The following FRRS1 variants were observed in gnomAD, a reference collection of about 807,000 sequenced individuals.
The protein encoded by FRRS1 is ferric reductase 1.
In FRRS1, 51 loss-of-function variants were observed where a neutral mutation model predicts 70.7. The observed-to-expected ratio is 0.72, with a 90% CI of 0.58 to 0.91. The LOEUF (loss-of-function observed/expected upper bound fraction) is 0.91, where lower values mean the gene tolerates loss of function less well. FRRS1 is among the 40% of genes least tolerant of loss of function. The probability of loss-of-function intolerance (pLI) is 0.00; values close to 1 mark genes in which losing one functional copy is unlikely to be tolerated. For missense variants in FRRS1, 672 were observed against 726.0 expected (o/e 0.93, Z 0.86); for synonymous variants, 225 against 238.7 (o/e 0.94, Z 0.53).
At chr1:99,732,000 A>C (rs1170630114) in intron 7 of FRRS1, among the ~76,000 whole-genome samples, 1 of 152,184 alleles carries the variant, frequency 6.6e-6, no homozygotes, top group African/African-American at 2.4e-5. Flanking sequence ...GTTTTCTATA[A>C]TATCCATCAT....
intron 1 of FRRS1, among the ~76,000 whole-genome samples, chr1:99,761,291 T>G (rs909898175): frequency 1.3e-5 from 2 of 152,050 alleles, no homozygotes; most frequent in Non-Finnish European, 2.9e-5. Flanking sequence ...CATGCCCAGC[T>G]AATTTTTTAA....
intron 8 of FRRS1, among the ~76,000 whole-genome samples, chr1:99,729,051 C>T (rs997454384): frequency 1.3e-5 from 2 of 152,192 alleles, no homozygotes; most frequent in African/African-American, 2.4e-5. Flanking sequence ...GGAGTCAATC[C>T]CATGGGAAGG....
chr1:99,730,003 A>C (rs182972910), intron 7 of FRRS1, among the ~76,000 whole-genome samples: 1 of 152,210 alleles, frequency 6.6e-6, no homozygotes, highest in Non-Finnish European at 1.5e-5. Flanking sequence ...TAACATGTTT[A>C]TATGTTCATA....
chr1:99,763,765 G>A (rs1326666120), intron 1 of FRRS1, among the ~76,000 whole-genome samples: 2 of 151,772 alleles, frequency 1.3e-5, no homozygotes, highest in African/African-American at 2.4e-5. Context: ...CTACTCGGGA[G>A]GCTGAGGCAG....
In FRRS1 at chr1:99,728,614, C is replaced by A. The variant is rs1374170063; in HGVS notation, c.885G>T (p.Arg295Ser). 5 of 1,613,932 alleles carry A rather than the reference C, an allele frequency of 3.1e-6. No homozygotes were observed. The Admixed American group carries it at 6.7e-5, about 22-fold the overall frequency. ...AACACTGCATAACACCGTCCGCCAA[C>A]CTCCAAGCCATATCCTCAAGGGTAT... The part of the protein sequence containing the change: ...SRDTLEDMAW[R>S]LADGVMQCSF... Residue 295 changes from arginine to serine, a missense_variant, in exon 9 of 17, where the codon AGG becomes AGT. Arg to Ser is a moderately radical substitution (Grantham distance 110, BLOSUM62 -1). Transcript: ENST00000646001.
chr1:99,747,358 G>C lies in FRRS1; in HGVS notation c.269C>G (p.Pro90Arg). The change falls in exon 4 of 17, where the codon CCT becomes CGT. Residue 90 changes from proline (P) to arginine (R), a missense_variant. Pro to Arg is a moderately radical substitution (Grantham distance 103). Coordinates refer to ENST00000646001, the MANE Select transcript of FRRS1 (RefSeq NM_001361041.2). ...ARNAEDLNGPPIGSFTLIDSE... is the reference protein window; with the variant it reads ...ARNAEDLNGPRIGSFTLIDSE... ...GTCAATCAATGTGAAGGAGCCAATA[G>C]GAGGGCCATTCAGATCCTCAGCATT... is the stretch of plus-strand genomic sequence containing the variant. 6.2e-7 allele frequency: 1 copy of C among 1,613,820 alleles called. No individual in the cohort carries two copies.
rs183062744 is a variant in FRRS1 at position 99,728,635 on chromosome 1, G to C, written c.864C>G (p.Thr288=). ...CCAACCTCCAAGCCATATCCTCAAG[G>C]GTATCCTACAAACACACACAATGGG... ...RSHPVMDSRD[T]LEDMAWRLAD... The change falls in exon 9 of 17, where the codon ACC becomes ACG. Residue 288 remains threonine, a synonymous_variant. Transcript: ENST00000646001. 21 of 1,612,806 alleles carry C rather than the reference G, an allele frequency of 1.3e-5. No homozygotes were observed. The highest frequency in any genetic ancestry group is 1.8e-5 in the Non-Finnish European group (21 of 1,179,372).
In FRRS1 at chr1:99,709,296, G is replaced by A. The variant is rs201793569; in HGVS notation, c.1625-37C>T. 8.1e-4 allele frequency: 1,129 copies of A among 1,399,154 alleles called. 7 individuals are homozygous for A. The highest frequency in any genetic ancestry group is 8.1e-3 in the Middle Eastern group (35 of 4,342). 86.7% of individuals were successfully genotyped at this position (1,399,154 alleles called of 1,614,324 possible). On this transcript the variant is annotated intron_variant, in intron 15 of 16. Coordinates refer to ENST00000646001, the MANE Select transcript of FRRS1 (RefSeq NM_001361041.2). Reference sequence around the variant, plus strand: ...AATAACATAAGTTTTTAAGGGCAGCGTTATGCAGGTAAATTAAATTTTTTA... The same window carrying A: ...AATAACATAAGTTTTTAAGGGCAGCATTATGCAGGTAAATTAAATTTTTTA...
At chr1:99,765,013 T>C (rs1391524493) in intron 1 of FRRS1, among the ~76,000 whole-genome samples, 1 of 152,234 alleles carries the variant, frequency 6.6e-6, no homozygotes, top group African/African-American at 2.4e-5. Flanking sequence ...TACACATTGA[T>C]CTCCATTCAT....
chr1:99,723,877 A>G (rs1654953636), intron 9 of FRRS1, among the ~76,000 whole-genome samples: 1 of 152,182 alleles, frequency 6.6e-6, no homozygotes, highest in African/African-American at 2.4e-5. Context: ...AATGAGAAAG[A>G]AGAGTTTTAT....
At chr1:99,715,043 G>A (rs1225439079) in intron 12 of FRRS1, among the ~76,000 whole-genome samples, 2 of 152,124 alleles carry the variant, frequency 1.3e-5, no homozygotes, top group East Asian at 1.9e-4. Flanking sequence ...AATATATAGA[G>A]ATGAGGCCTC....
intron 8 of FRRS1, among the ~76,000 whole-genome samples, 191 bp from the exon 9 acceptor site, chr1:99,728,831 T>C (rs916110741): frequency 1.3e-5 from 2 of 152,250 alleles, no homozygotes; most frequent in Non-Finnish European, 2.9e-5. Flanking sequence ...TTATTTGTCT[T>C]TATCCCACTT....
intron 9 of FRRS1, among the ~76,000 whole-genome samples, chr1:99,723,246 C>T (rs1280516202): frequency 2.0e-5 from 3 of 152,174 alleles, no homozygotes; most frequent in Non-Finnish European, 1.5e-5. Flanking sequence ...AATTGCATTA[C>T]AATTTCAATC....
intron 7 of FRRS1, among the ~76,000 whole-genome samples, chr1:99,732,337 A>G (rs1335588316): frequency 6.6e-6 from 1 of 152,194 alleles, no homozygotes; most frequent in African/African-American, 2.4e-5. Context: ...TCTCAAGTCA[A>G]GCATTTAGAG....
intron 1 of FRRS1, among the ~76,000 whole-genome samples, chr1:99,763,874 A>AC (rs1657229716): frequency 6.6e-6 from 1 of 151,882 alleles, no homozygotes; most frequent in Admixed American, 6.6e-5. Context: ...GTCTCAAAAA[A>AC]AAAAAAAAAA....
chr1:99,729,544 G>A, intron 8 of FRRS1, 106 bp downstream of exon 8: 1 of 690,368 alleles, frequency 1.4e-6, no homozygotes. Flanking sequence ...AGGCTAGGTG[G>A]AACTGTGGGG....
chr1:99,709,056 A>G lies in FRRS1; in HGVS notation c.1751T>C (p.Ile584Thr). The G allele has an allele frequency of 6.2e-7, 1 of 1,614,110 alleles. No individual in the cohort carries two copies. The highest frequency in any genetic ancestry group is 8.5e-7 in the Non-Finnish European group (1 of 1,180,010). The change falls in exon 17 of 17, where the codon ATA becomes ACA. Residue 584 changes from isoleucine (I) to threonine (T), a missense_variant. By Grantham distance (89) the Ile-to-Thr change is moderately conservative. Transcript: ENST00000646001. ...YVCGNVTFLIIFLSAINHL is the reference protein window; with the variant it reads ...YVCGNVTFLITFLSAINHL ...TAGATGGTTGATTGCAGATAAAAAT[A>G]TGATGAGAAAAGTAACATTCCCACA...
chr1:99,707,006 C>T lies in FRRS1; in HGVS notation c.*2022G>A, dbSNP rs1268368966. Among the ~76,000 whole-genome samples, 1 of 151,994 alleles carries T rather than the reference C, an allele frequency of 6.6e-6. No homozygotes were observed. Among genetic ancestry groups the T allele is most frequent in the African/African-American group, 2.4e-5 (1 of 41,372 alleles). On this transcript the variant is annotated 3_prime_UTR_variant, in exon 17 of 17. Coordinates refer to ENST00000646001, the MANE Select transcript of FRRS1 (RefSeq NM_001361041.2). ...ACTGGAGGAAAATAACTTTAGTACA[C>T]ACTTAATTTGCTATACTAAATTTTT...
At chr1:99,761,424 A>T (rs1657107640) in intron 1 of FRRS1, among the ~76,000 whole-genome samples, 1 of 152,152 alleles carries the variant, frequency 6.6e-6, no homozygotes. Flanking sequence ...ACCTCACCTG[A>T]CCAATTTTTC....
Sources: allele counts gnomAD v4.1 joint callset (sites outside exome capture counted in the v4.1 genomes callset), GRCh38; gene constraint gnomAD v4.1.1; transcripts MANE v1.5; gene names NCBI Gene and HGNC (gene_info 2026-07-23, HGNC 2026-07-21).